Variants in ATP13A5 observed in about 807,000 individuals in gnomAD.
ATP13A5 encodes the protein probable cation-transporting ATPase 13A5.
In ATP13A5, 149 loss-of-function variants were observed where a neutral mutation model predicts 150.2. The ratio of observed to expected loss-of-function variants is 0.99; its 90% CI spans 0.87 to 1.14. The LOEUF is 1.14. ATP13A5 is among the 50% of genes most tolerant of loss of function. The probability of loss-of-function intolerance (pLI) is 0.00; values close to 1 mark genes in which losing one functional copy is unlikely to be tolerated. For synonymous variants in ATP13A5, 497 were observed against 522.2 expected (o/e 0.95, Z 0.66); for missense variants, 1,383 against 1,449.3 (o/e 0.95, Z 0.74).
At chr3:193,340,513 C>A (rs1712076141) in intron 9 of ATP13A5, among the ~76,000 whole-genome samples, 2 of 152,188 alleles carry the variant, frequency 1.3e-5, no homozygotes, top group African/African-American at 4.8e-5. Context: ...GATGTGAGAT[C>A]ATCACTTAGG....
chr3:193,324,674 C>T lies in ATP13A5; in HGVS notation c.1674+190G>A, dbSNP rs530421137. ...GTTCCCAAGTTTGTTCAATAATGGACGCCTATTTCATGCAGCAACCATTAA... is the reference window on the plus strand; with the variant it reads ...GTTCCCAAGTTTGTTCAATAATGGATGCCTATTTCATGCAGCAACCATTAA... On this transcript the variant is annotated intron_variant, in intron 14 of 29. Coordinates refer to ENST00000342358, the MANE Select transcript of ATP13A5 (RefSeq NM_198505.4). 8.7e-4 allele frequency among the ~76,000 whole-genome samples: 132 copies of T among 152,266 alleles called. 1 individual carries two copies. The South Asian group carries it at 0.025, about 29-fold the overall frequency.
In ATP13A5 at chr3:193,281,234, G is replaced by T. The variant is rs943730964; in HGVS notation, c.3227-1780C>A. 11 of 984,532 alleles carry T rather than the reference G, an allele frequency of 1.1e-5. No homozygotes were observed. The African/African-American group carries it at 1.6e-4, about 14-fold the overall frequency. 61.0% of individuals were successfully genotyped at this position (984,532 alleles called of 1,614,324 possible). On this transcript the variant is annotated intron_variant, in intron 27 of 29. Coordinates refer to ENST00000342358, the MANE Select transcript of ATP13A5 (RefSeq NM_198505.4). The stretch of plus-strand genomic sequence containing the variant: ...ACGCAGAAGCTGGGAAGAAGAGGAC[G>T]CCTGAAAGGTCTGTTCTGATGAAGT...
intron 1 of ATP13A5, among the ~76,000 whole-genome samples, chr3:193,377,569 G>A (rs920377056): frequency 1.3e-5 from 2 of 152,132 alleles, no homozygotes; most frequent in Admixed American, 1.3e-4. Context: ...GAAACTACAC[G>A]TGGCCCATGG....
chr3:193,289,884 C>A lies in ATP13A5; in HGVS notation c.3023+1G>T, dbSNP rs1180301867. 3 of 1,587,978 alleles carry A rather than the reference C, an allele frequency of 1.9e-6. No homozygotes were observed. Among genetic ancestry groups the A allele is most frequent in the Admixed American group, 1.8e-5 (1 of 54,738 alleles). ...AAGCAGCACTAAGAAAATGAACTTA[C>A]CTGTATTGGTAGACCTCACAATACC... On this transcript the variant is annotated splice_donor_variant, in intron 26 of 29. Coordinates refer to ENST00000342358, the MANE Select transcript of ATP13A5 (RefSeq NM_198505.4). LOFTEE classifies it high-confidence loss of function.
At chr3:193,281,449 T>A (rs1717491345) in intron 27 of ATP13A5, among the ~76,000 whole-genome samples, 1 of 152,240 alleles carries the variant, frequency 6.6e-6, no homozygotes, top group East Asian at 1.9e-4. Context: ...TAGTTGCTGC[T>A]GCTGAGGAAA....
At position 193,347,161 on chromosome 3, in the gene ATP13A5, T is replaced by G. The variant is rs546088219; in HGVS notation, c.742-2086A>C. The stretch of plus-strand genomic sequence containing the variant: ...AGATGTATTTAAAACCTGCAAGGCA[T>G]CATAGAAGAAATACACATGGTATAT... On this transcript the variant is annotated intron_variant, in intron 7 of 29. Transcript: ENST00000342358. 1.9e-3 allele frequency among the ~76,000 whole-genome samples: 283 copies of G among 152,324 alleles called. 1 individual carries two copies. The highest frequency in any genetic ancestry group is 0.014 in the Middle Eastern group (4 of 294).
intron 27 of ATP13A5, among the ~76,000 whole-genome samples, chr3:193,280,413 A>G (rs2108816155): frequency 6.6e-6 from 1 of 152,266 alleles, no homozygotes; most frequent in African/African-American, 2.4e-5. Context: ...CTCCCTTACA[A>G]AAGCTTATTT....
At chr3:193,378,220 C>T (rs1297872485) in intron 1 of ATP13A5, among the ~76,000 whole-genome samples, 3 of 152,104 alleles carry the variant, frequency 2.0e-5, no homozygotes, top group African/African-American at 7.2e-5. Context: ...CTTCTCTCTG[C>T]GCTTATAAAA....
chr3:193,284,802 T>C (rs1226459938), intron 27 of ATP13A5, 112 bp downstream of exon 27: 7 of 895,438 alleles, frequency 7.8e-6, no homozygotes, highest in Non-Finnish European at 1.2e-5. Flanking sequence ...AATTTTAGAG[T>C]CATGCAATTG....
At chr3:193,306,484 C>CTCTAGCTATAAAAATT (rs1177257428) in intron 22 of ATP13A5, among the ~76,000 whole-genome samples, 3 of 152,108 alleles carry the variant, frequency 2.0e-5, no homozygotes, top group Non-Finnish European at 2.9e-5. Context: ...CAAAAAACAT[C>CTCTAGCTATAAAAATT]TCTAGCTATA....
In ATP13A5 at chr3:193,364,144, G is replaced by A; in HGVS notation, c.200C>T (p.Pro67Leu). Reference sequence around the variant, plus strand: ...CAAAACAGTGTCTGCTTCTTGCAAGGGGCATGGGATGCAGTTGGCCCACAC... The same window carrying A: ...CAAAACAGTGTCTGCTTCTTGCAAGAGGCATGGGATGCAGTTGGCCCACAC... ...WRVWANCIPC[P>L]LQEADTVLLR... Residue 67 changes from proline (P) to leucine (L), a missense_variant, in exon 2 of 30, where the codon CCC becomes CTC. Transcript: ENST00000342358. 1 of 1,613,970 alleles carries A rather than the reference G, an allele frequency of 6.2e-7. No individual in the cohort carries two copies. The highest frequency in any genetic ancestry group is 1.1e-5 in the South Asian group (1 of 91,074).
At chr3:193,361,728 A>G (rs543109688) in intron 5 of ATP13A5, among the ~76,000 whole-genome samples, 2 of 152,306 alleles carry the variant, frequency 1.3e-5, no homozygotes, top group African/African-American at 4.8e-5. Context: ...ATGTGCATCT[A>G]TAGGTACCAA....
intron 18 of ATP13A5, 190 bp from the exon 19 acceptor site, chr3:193,314,383 A>G (rs758930327): frequency 3.4e-4 from 193 of 574,174 alleles, no homozygotes; most frequent in Non-Finnish European, 5.0e-4. Context: ...CCCTCTCCAT[A>G]TTCTGCATCA....
At chr3:193,307,108 G>A (rs747129674) in intron 22 of ATP13A5, 185 of 1,364,878 alleles carry the variant, frequency 1.4e-4, no homozygotes, top group Non-Finnish European at 1.7e-4. Context: ...CTTCCTTTGT[G>A]TTTATTATTC....
chr3:193,316,318 T>G (rs1017828217), intron 17 of ATP13A5, among the ~76,000 whole-genome samples: 2 of 152,128 alleles, frequency 1.3e-5, no homozygotes. Flanking sequence ...TTCTTTTGGA[T>G]ATATACTCAG....
intron 29 of ATP13A5, among the ~76,000 whole-genome samples, chr3:193,275,812 T>A (rs1172870119): frequency 1.3e-5 from 2 of 152,230 alleles, no homozygotes; most frequent in Non-Finnish European, 2.9e-5. Flanking sequence ...AAATTTTGCA[T>A]CCCAGTTTTA....
intron 1 of ATP13A5, among the ~76,000 whole-genome samples, chr3:193,376,266 G>A (rs1713637680): frequency 6.6e-6 from 1 of 152,200 alleles, no homozygotes; most frequent in East Asian, 1.9e-4. Flanking sequence ...CCAAGATCAA[G>A]GTGCTGGCAG....
chr3:193,309,199 A>G (rs1718742389), intron 21 of ATP13A5, among the ~76,000 whole-genome samples: 1 of 152,214 alleles, frequency 6.6e-6, no homozygotes, highest in African/African-American at 2.4e-5. Context: ...TGAAGGGGGT[A>G]ATAAAGGACT....
At chr3:193,357,315 A>C (rs1232869521) in intron 5 of ATP13A5, among the ~76,000 whole-genome samples, 1 of 152,184 alleles carries the variant, frequency 6.6e-6, no homozygotes, top group Non-Finnish European at 1.5e-5. Context: ...TTAAGAGAGA[A>C]GAGATCCCAT....
Sources: allele counts gnomAD v4.1 joint callset (sites outside exome capture counted in the v4.1 genomes callset), GRCh38; gene constraint gnomAD v4.1.1; transcripts MANE v1.5; gene names NCBI Gene and HGNC (gene_info 2026-07-23, HGNC 2026-07-21).